NODAL: variants seen among roughly 807,000 people sequenced by gnomAD.
NODAL encodes the protein nodal growth differentiation factor.
In NODAL, 12 loss-of-function variants were observed where a neutral mutation model predicts 34.0. That is an observed-to-expected ratio of 0.35 (90% CI 0.23 to 0.57). NODAL has a LOEUF of 0.57. Ranked by LOEUF, NODAL falls within the 20% of genes least tolerant of loss-of-function variation. The probability of loss-of-function intolerance (pLI) is 0.83; values close to 1 mark genes in which losing one functional copy is unlikely to be tolerated. For synonymous variants in NODAL, 162 were observed against 186.4 expected (o/e 0.87, Z 1.07); for missense variants, 390 against 444.2 (o/e 0.88, Z 1.10).
intron 1 of NODAL, among the ~76,000 whole-genome samples, chr10:70,438,880 C>T (rs1845389206): frequency 1.3e-5 from 2 of 152,218 alleles, no homozygotes; most frequent in African/African-American, 4.8e-5. Context: ...AAGAAACACA[C>T]ATCCAAATAC....
At chr10:70,437,389 C>A (rs10999337) in intron 1 of NODAL, among the ~76,000 whole-genome samples, 1 of 151,974 alleles carries the variant, frequency 6.6e-6, no homozygotes, top group Admixed American at 6.6e-5. Context: ...TGTGGTGAGC[C>A]GGGATCGCGC....
Position 70,438,020 on chromosome 10 carries a change from T to A in NODAL, c.194-2037A>T, listed in dbSNP as rs114219274. On this transcript the variant is annotated intron_variant, in intron 1 of 2. Coordinates refer to ENST00000287139, the MANE Select transcript of NODAL (RefSeq NM_018055.5). ...AACACTTTATCTTGGCCAGGTGCGG[T>A]GGGTCACTCCTATAATCCCAGCACT... Among the ~76,000 whole-genome samples the A allele has an allele frequency of 4.6e-3, 702 of 152,120 alleles. 2 individuals are homozygous for A. Among genetic ancestry groups the A allele is most frequent in the African/African-American group, 0.016 (668 of 41,476 alleles).
In NODAL at chr10:70,435,629, C is replaced by T. The variant is rs104894169; in HGVS notation, c.548G>A (p.Arg183Gln). Residue 183 changes from arginine to glutamine, a missense_variant, in exon 2 of 3, where the codon CGG (arginine) becomes CAG (glutamine). Physicochemically the swap from Arg to Gln is conservative, Grantham distance 43 (BLOSUM62 1). Transcript: ENST00000287139. ...ATTGGTGGCAGGCGGTGTGGGGGGCCGCGGCCAGCACTCTCCAGCTACCCT... is the reference window on the plus strand; with the variant it reads ...ATTGGTGGCAGGCGGTGTGGGGGGCTGCGGCCAGCACTCTCCAGCTACCCT... ...MSRVAGECWP[R>Q]PPTPPATNVL... 6.3e-5 allele frequency: 102 copies of T among 1,613,932 alleles called. 3 individuals are homozygous for T. The African/African-American group carries it at 9.6e-4, about 15-fold the overall frequency.
chr10:70,437,225 C>T (rs1457916411), intron 1 of NODAL, among the ~76,000 whole-genome samples: 2 of 152,152 alleles, frequency 1.3e-5, no homozygotes, highest in Non-Finnish European at 2.9e-5. Context: ...GGTGGATCAC[C>T]TGAGGTCAGG....
rs1491466303 is a variant in NODAL, at chr10:70,436,575, AAG to A, written c.194-594_194-593del. On this transcript the variant is annotated intron_variant, in intron 1 of 2. Transcript: ENST00000287139. ...CTCTGTCTCAAAAAAAAAAAAAAAA[AAG>A]AGTGACTTGTTTTACAGACACATTG... is the stretch of plus-strand genomic sequence containing the variant. 14 of 158,446 alleles carry A rather than the reference AAG, an allele frequency of 8.8e-5. No individual in the cohort carries two copies. The South Asian group carries it at 2.2e-3, about 24-fold the overall frequency. 9.8% of individuals were successfully genotyped at this position (158,446 alleles called of 1,614,324 possible). A position where few individuals can be genotyped will look rare whatever the true frequency, so the allele number is the denominator to read the frequency against.
intron 1 of NODAL, 149 bp downstream of exon 1, chr10:70,441,326 C>T (rs2132220315): frequency 1.2e-6 from 1 of 806,364 alleles, no homozygotes; most frequent in African/African-American, 1.7e-5. Flanking sequence ...ACCCGCAGAG[C>T]TAGGCCCTGG....
upstream of NODAL, among the ~76,000 whole-genome samples, chr10:70,444,328 AC>A (rs1845464964): frequency 1.3e-5 from 1 of 78,954 alleles, no homozygotes; most frequent in African/African-American, 4.6e-5. Flanking sequence ...CTCCAGTGAT[AC>A]TTTTTTTTTT....
In NODAL at chr10:70,435,785, C is replaced by T. The variant is rs751514518; in HGVS notation, c.392G>A (p.Arg131Gln). 20 of 1,614,012 alleles carry T rather than the reference C, an allele frequency of 1.2e-5. No homozygotes were observed. The East Asian group carries it at 1.6e-4, about 13-fold the overall frequency. Residue 131 changes from arginine (R) to glutamine (Q), a missense_variant, in exon 2 of 3, where the codon CGG becomes CAG. Physicochemically the swap from Arg to Gln is conservative, Grantham distance 43. Coordinates refer to ENST00000287139, the MANE Select transcript of NODAL (RefSeq NM_018055.5). The part of the protein sequence containing the change: ...TEQASDSCLE[R>Q]FQMDLFTVTL... Reference sequence around the variant, plus strand: ...GACAGTGAATAGGTCCATCTGAAACCGCTCTAAGCAGCTGTCTGAAGCCTG... The same window carrying T: ...GACAGTGAATAGGTCCATCTGAAACTGCTCTAAGCAGCTGTCTGAAGCCTG...
At chr10:70,434,618 C>T (rs899352033) in intron 2 of NODAL, among the ~76,000 whole-genome samples, 1 of 152,232 alleles carries the variant, frequency 6.6e-6, no homozygotes, top group Non-Finnish European at 1.5e-5. Flanking sequence ...CCACCTCAGC[C>T]TCCCAAAGTG....
At chr10:70,441,351 G>C (rs1464304110) in intron 1 of NODAL, 124 bp downstream of exon 1, 11 of 1,070,956 alleles carry the variant, frequency 1.0e-5, no homozygotes, top group Admixed American at 2.3e-5. Context: ...GGGACGCCCG[G>C]GCGGCTGCAA....
Position 70,432,718 on chromosome 10 carries a change from C to A in NODAL, c.*218G>T. 1.7e-6 allele frequency: 1 copy of A among 604,096 alleles called. No homozygotes were observed. The highest frequency in any genetic ancestry group is 3.0e-6 in the Non-Finnish European group (1 of 337,274). The allele number at this position is 604,096 out of a possible 1,614,324, so 37.4% of individuals were successfully genotyped here. On this transcript the variant is annotated 3_prime_UTR_variant, in exon 3 of 3. Coordinates refer to ENST00000287139, the MANE Select transcript of NODAL (RefSeq NM_018055.5). ...ACATCCAGCCAGCCCCCTGCACAGG[C>A]TTCTTCCTCCCTCTTCCTGACAGCA...
chr10:70,444,899 T>A (rs887267184), upstream of NODAL, among the ~76,000 whole-genome samples: 1 of 152,204 alleles, frequency 6.6e-6, no homozygotes. Context: ...CAGCCCTCTG[T>A]GTCAGACCCC....
At chr10:70,437,316 C>G (rs968499224) in intron 1 of NODAL, among the ~76,000 whole-genome samples, 2 of 152,184 alleles carry the variant, frequency 1.3e-5, no homozygotes, top group Admixed American at 1.3e-4. Context: ...GTGGCTCACG[C>G]CTAATCCCAG....
At chr10:70,439,441 T>C (rs1252685916) in intron 1 of NODAL, among the ~76,000 whole-genome samples, 2 of 152,242 alleles carry the variant, frequency 1.3e-5, no homozygotes, top group African/African-American at 4.8e-5. Flanking sequence ...TTTCATAAAT[T>C]ATAAGGGTCG....
intron 1 of NODAL, among the ~76,000 whole-genome samples, chr10:70,446,932 T>C (rs1845494015): frequency 6.6e-6 from 1 of 152,118 alleles, no homozygotes; most frequent in South Asian, 2.1e-4. Context: ...CTTTCACATA[T>C]TCTTTCCTCC....
At chr10:70,437,422 C>T (rs1845370324) in intron 1 of NODAL, among the ~76,000 whole-genome samples, 1 of 152,290 alleles carries the variant, frequency 6.6e-6, no homozygotes, top group East Asian at 1.9e-4. Context: ...GCCTGGGCAA[C>T]AAGAGCGAAA....
intron 1 of NODAL, among the ~76,000 whole-genome samples, chr10:70,439,753 T>A (rs1436600074): frequency 1.3e-5 from 2 of 152,148 alleles, no homozygotes; most frequent in African/African-American, 4.8e-5. Context: ...ATTCACAACG[T>A]AACTGTGCCA....
In NODAL at chr10:70,435,771, G is replaced by C. The variant is rs1415658466; in HGVS notation, c.406C>G (p.Leu136Val). 6.2e-7 allele frequency: 1 copy of C among 1,614,170 alleles called. No individual in the cohort carries two copies. The highest frequency in any genetic ancestry group is 8.5e-7 in the Non-Finnish European group (1 of 1,180,046). ...DSCLERFQMDLFTVTLSQVTF... is the reference protein window; with the variant it reads ...DSCLERFQMDVFTVTLSQVTF... ...ACCTGGGACAAAGTGACAGTGAATA[G>C]GTCCATCTGAAACCGCTCTAAGCAG... Residue 136 changes from leucine (L) to valine (V), a missense_variant, in exon 2 of 3, where the codon CTA becomes GTA. Transcript: ENST00000287139.
intron 1 of NODAL, 108 bp downstream of exon 1, chr10:70,441,367 G>T: frequency 1.5e-6 from 2 of 1,297,832 alleles, no homozygotes; most frequent in Non-Finnish European, 2.1e-6. Flanking sequence ...TGCAAACCCG[G>T]CTCGGAGCCG....
Sources: gnomAD v4.1 joint callset for allele counts (sites outside exome capture counted in the v4.1 genomes callset) on GRCh38, gnomAD v4.1.1 for gene constraint, MANE v1.5 for transcripts, NCBI Gene and HGNC (gene_info 2026-07-23, HGNC 2026-07-21) for gene names.